SIPA1L2: variants seen among roughly 807,000 people sequenced by gnomAD.
The protein encoded by SIPA1L2 is signal-induced proliferation-associated 1-like protein 2.
In SIPA1L2, 56 loss-of-function variants were observed where a neutral mutation model predicts 163.9. The ratio of observed to expected loss-of-function variants is 0.34; its 90% CI spans 0.28 to 0.43. The LOEUF is 0.43. Ranked by LOEUF, SIPA1L2 falls within the 20% of genes least tolerant of loss-of-function variation. The pLI is 1.00. For synonymous variants in SIPA1L2, 877 were observed against 865.7 expected, an observed-to-expected ratio of 1.01 and a Z score of -0.23; for missense variants, 1,974 against 2,193.5, an observed-to-expected ratio of 0.90 and a Z score of 2.00.
chr1:232,398,461 A>C lies in SIPA1L2; in HGVS notation c.*666T>G, dbSNP rs1660147303. 6.6e-6 allele frequency: 1 copy of C among 152,424 alleles called. No individual in the cohort carries two copies. Among genetic ancestry groups the C allele is most frequent in the South Asian group, 2.1e-4 (1 of 4,816 alleles). 9.4% of individuals were successfully genotyped at this position (152,424 alleles called of 1,614,324 possible). ...GCATATGTATCTTTTTTTTGTTTTTAATCAGAACACTGTTAATATTCAGGC... is the reference window on the plus strand; with the variant it reads ...GCATATGTATCTTTTTTTTGTTTTTCATCAGAACACTGTTAATATTCAGGC... On this transcript the variant is annotated 3_prime_UTR_variant, in exon 23 of 23. Transcript: ENST00000674635.
At chr1:232,625,319 G>A (rs983854674) in intron 1 of SIPA1L2, among the ~76,000 whole-genome samples, 1 of 152,160 alleles carries the variant, frequency 6.6e-6, no homozygotes, top group African/African-American at 2.4e-5. Flanking sequence ...AGATATAAAA[G>A]AGTCTGATCT....
At chr1:232,608,054 A>AAAAAAAAAAAAAC (rs1662045186) in intron 1 of SIPA1L2, among the ~76,000 whole-genome samples, 1 of 150,022 alleles carries the variant, frequency 6.7e-6, no homozygotes, top group Non-Finnish European at 1.5e-5. Flanking sequence ...TCTCAAAAAA[A>AAAAAAAAAAAAAC]AAAAAAAAAA....
rs537822047 is a variant in SIPA1L2, at chr1:232,473,080, G to T, written c.2086-1552C>A. On this transcript the variant is annotated intron_variant, in intron 7 of 22. Coordinates refer to ENST00000674635, the MANE Select transcript of SIPA1L2 (RefSeq NM_020808.5). ...CCAATGAGCCACCTCATTTAAATAT[G>T]TAGTTTTTAAAAAGTTTGCTAGATA... Among the ~76,000 whole-genome samples the T allele has an allele frequency of 3.3e-5, 5 of 152,304 alleles. 1 individual carries two copies. Among genetic ancestry groups the T allele is most frequent in the Admixed American group, 1.3e-4 (2 of 15,298 alleles).
Position 232,415,688 on chromosome 1 carries a change from A to T in SIPA1L2, c.4631-63T>A. ...ACAGCACGGGCACCAGCCCAGAGTGAGTCAGAACATGGGCACCACTGCCCC... is the reference window on the plus strand; with the variant it reads ...ACAGCACGGGCACCAGCCCAGAGTGTGTCAGAACATGGGCACCACTGCCCC... On this transcript the variant is annotated intron_variant, in intron 18 of 22. Coordinates refer to ENST00000674635, the MANE Select transcript of SIPA1L2 (RefSeq NM_020808.5). 1.9e-6 allele frequency: 3 copies of T among 1,605,260 alleles called. No homozygotes were observed. The Admixed American group carries it at 5.1e-5, about 27-fold the overall frequency.
chr1:232,621,300 C>T (rs547689300), intron 1 of SIPA1L2, among the ~76,000 whole-genome samples: 4 of 152,182 alleles, frequency 2.6e-5, no homozygotes, highest in Admixed American at 2.6e-4. Flanking sequence ...TCCACTTCCC[C>T]CTTTCAGTGA....
chr1:232,594,035 G>A (rs1036665969), intron 1 of SIPA1L2, among the ~76,000 whole-genome samples: 14 of 152,068 alleles, frequency 9.2e-5, no homozygotes, highest in Non-Finnish European at 2.9e-5. Context: ...TCTCTAACCT[G>A]TCTCCGACAA....
rs76239934 is a variant in SIPA1L2 at position 232,533,468 on chromosome 1, G to A, written c.-269-17860C>T. Among the ~76,000 whole-genome samples the A allele has an allele frequency of 2.0e-3, 306 of 152,336 alleles. 8 individuals are homozygous for A. The East Asian group carries it at 0.056, about 28-fold the overall frequency. On this transcript the variant is annotated intron_variant, in intron 2 of 22. Coordinates refer to ENST00000674635, the MANE Select transcript of SIPA1L2 (RefSeq NM_020808.5). ...GCGGGGCAATGATCTCTACAGAAAGGTGGACTGCAGCTATCACTGACCTGA... is the reference window on the plus strand; with the variant it reads ...GCGGGGCAATGATCTCTACAGAAAGATGGACTGCAGCTATCACTGACCTGA...
At chr1:232,406,755 T>C (rs556377561) in intron 19 of SIPA1L2, among the ~76,000 whole-genome samples, 137 of 152,046 alleles carry the variant, frequency 9.0e-4, no homozygotes, top group Non-Finnish European at 1.7e-3. Flanking sequence ...CAACGCGTCA[T>C]GTCTGTTGAG....
intron 3 of SIPA1L2, among the ~76,000 whole-genome samples, chr1:232,510,019 C>G (rs1273932184): frequency 6.6e-6 from 1 of 152,186 alleles, no homozygotes; most frequent in African/African-American, 2.4e-5. Flanking sequence ...TCCCCACTCC[C>G]TCATTTTGTG....
intron 14 of SIPA1L2, 59 bp downstream of exon 14, chr1:232,441,232 G>A (rs985868959): frequency 7.6e-6 from 10 of 1,319,544 alleles, no homozygotes; most frequent in Non-Finnish European, 1.0e-5. Flanking sequence ...GTACCACTGT[G>A]TGCTGAGACA....
At chr1:232,402,726 T>C in intron 21 of SIPA1L2, 1 of 286,644 alleles carries the variant, frequency 3.5e-6, no homozygotes, top group South Asian at 4.9e-5. Flanking sequence ...GATATATTAT[T>C]TAAGTTGGTT....
chr1:232,428,436 G>T lies in SIPA1L2; in HGVS notation c.4385C>A (p.Pro1462His), dbSNP rs1330371120. The T allele has an allele frequency of 6.3e-7, 1 of 1,577,020 alleles. No homozygotes were observed. Among genetic ancestry groups the T allele is most frequent in the South Asian group, 1.2e-5 (1 of 85,290 alleles). ...CTTTCTTCGCCCCTCCTCCACTAAG[G>T]GGCTGTCAGGAAGCATCAATTTCAG... ...DFLKLMLPDS[P>H]LVEEGRRKFS... The change falls in exon 17 of 23, where the codon CCC (proline) becomes CAC (histidine). Residue 1462 changes from proline (P) to histidine (H), a missense_variant. By Grantham distance (77) the Pro-to-His change is moderately conservative (BLOSUM62 -2). Coordinates refer to ENST00000674635, the MANE Select transcript of SIPA1L2 (RefSeq NM_020808.5).
intron 2 of SIPA1L2, among the ~76,000 whole-genome samples, chr1:232,563,011 A>G (rs1329374211): frequency 6.6e-6 from 1 of 152,226 alleles, no homozygotes; most frequent in Non-Finnish European, 1.5e-5. Flanking sequence ...TAAGCTATTC[A>G]GATGCTTTCT....
chr1:232,454,945 T>C (rs1349199857), intron 10 of SIPA1L2, among the ~76,000 whole-genome samples: 1 of 152,244 alleles, frequency 6.6e-6, no homozygotes, highest in East Asian at 1.9e-4. Flanking sequence ...AAAGTCAGAT[T>C]ACATCTGTCC....
intron 18 of SIPA1L2, among the ~76,000 whole-genome samples, chr1:232,416,280 T>C (rs950356743): frequency 8.5e-5 from 13 of 152,156 alleles, no homozygotes; most frequent in Non-Finnish European, 1.5e-4. Context: ...AAAGAAAACA[T>C]GAGGCTGCAG....
At position 232,597,968 on chromosome 1, in the gene SIPA1L2, T is replaced by C. The variant is rs560493562; in HGVS notation, c.-318-23746A>G. 7.9e-5 allele frequency among the ~76,000 whole-genome samples: 12 copies of C among 152,266 alleles called. No individual in the cohort carries two copies. The South Asian group carries it at 2.1e-3, about 26-fold the overall frequency. ...TTTCTTAAAGGAAGGCACACCTGCATGTGAGCCAAGACTGAATGTGAAACT... is the reference window on the plus strand; with the variant it reads ...TTTCTTAAAGGAAGGCACACCTGCACGTGAGCCAAGACTGAATGTGAAACT... On this transcript the variant is annotated intron_variant, in intron 1 of 22. Transcript: ENST00000674635.
At chr1:232,579,585 A>G (rs1660263394) in intron 1 of SIPA1L2, among the ~76,000 whole-genome samples, 1 of 152,226 alleles carries the variant, frequency 6.6e-6, no homozygotes, top group African/African-American at 2.4e-5. Flanking sequence ...GAATCCATAG[A>G]ATAGGTTGAA....
At chr1:232,486,677 G>A (rs183859624) in intron 5 of SIPA1L2, among the ~76,000 whole-genome samples, 4 of 152,236 alleles carry the variant, frequency 2.6e-5, no homozygotes, top group African/African-American at 9.6e-5. Context: ...AAAGAATTGT[G>A]GCTTGTTTAC....
intron 8 of SIPA1L2, among the ~76,000 whole-genome samples, chr1:232,469,019 G>T (rs1288788477): frequency 6.6e-6 from 1 of 152,194 alleles, no homozygotes; most frequent in Non-Finnish European, 1.5e-5. Context: ...CGCTCATGGG[G>T]GAGGCCTGAC....
Sources: allele counts gnomAD v4.1 joint callset (sites outside exome capture counted in the v4.1 genomes callset), GRCh38; gene constraint gnomAD v4.1.1; transcripts MANE v1.5; gene names NCBI Gene and HGNC (gene_info 2026-07-23, HGNC 2026-07-21).